C4orf36: variants seen among roughly 807,000 people sequenced by gnomAD.
The protein encoded by C4orf36 is chromosome 4 open reading frame 36.
C4orf36 carries 11 observed loss-of-function variants against 12.2 expected under a neutral mutation model. The observed-to-expected ratio is 0.90, with a 90% CI of 0.57 to 1.49. The LOEUF (loss-of-function observed/expected upper bound fraction) is 1.49, where lower values mean the gene tolerates loss of function less well. C4orf36 is among the 40% of genes most tolerant of loss of function. The pLI, the probability that C4orf36 is intolerant of heterozygous loss-of-function variation, is 0.00. For missense variants in C4orf36, 137 were observed against 133.9 expected, an observed-to-expected ratio of 1.02 and a Z score of -0.11; for synonymous variants, 54 against 51.3, an observed-to-expected ratio of 1.05 and a Z score of -0.22.
the C4orf36 span, among the ~76,000 whole-genome samples, chr4:86,928,296 CT>C: frequency 1.3e-5 from 2 of 152,316 alleles, no homozygotes; most frequent in East Asian, 3.9e-4. Flanking sequence ...GGAGGCAGGG[CT>C]GTTCATTGGG....
intron 3 of C4orf36, 51 bp downstream of exon 3, chr4:86,888,070 A>C (rs769937476): frequency 1.3e-6 from 2 of 1,590,600 alleles, no homozygotes; most frequent in South Asian, 1.1e-5. Flanking sequence ...TCTGATAAGC[A>C]AATGGCACAC....
At chr4:86,913,490 C>G in the C4orf36 span, 75 of 792,544 alleles carry the variant, frequency 9.5e-5, 1 homozygote, top group South Asian at 1.0e-3. Context: ...GTTGGATGCT[C>G]TGTTTTGGAA....
chr4:86,907,891 C>T, the C4orf36 span, among the ~76,000 whole-genome samples: 3 of 151,566 alleles, frequency 2.0e-5, no homozygotes, highest in African/African-American at 7.3e-5. Flanking sequence ...ATTGCTTGAC[C>T]CGAGGAGCAG....
chr4:86,900,038 CTT>C, the C4orf36 span, among the ~76,000 whole-genome samples: 2 of 144,726 alleles, frequency 1.4e-5, no homozygotes, highest in African/African-American at 2.5e-5. Flanking sequence ...TGATAGGCAG[CTT>C]TTTTTTTTTT....
chr4:86,925,121 C>T, the C4orf36 span: 5 of 152,230 alleles, frequency 3.3e-5, no homozygotes, highest in East Asian at 9.6e-4. Context: ...AATCTGCCCC[C>T]ATGATCCAAC....
intron 4 of C4orf36, among the ~76,000 whole-genome samples, chr4:86,882,209 AG>A (rs1360615922): frequency 6.6e-6 from 1 of 152,252 alleles, no homozygotes; most frequent in Non-Finnish European, 1.5e-5. Flanking sequence ...AGCTGGAAGC[AG>A]GACTCTTCTC....
rs986617807 is a variant in C4orf36 at position 86,887,943 on chromosome 4, A to G, written c.221-50T>C. 7 of 1,608,074 alleles carry G rather than the reference A, an allele frequency of 4.4e-6. No individual in the cohort carries two copies. In the South Asian group the frequency reaches 7.8e-5, roughly 18 times the overall value. ...ATCTGACATACATTTTTCATCAGGC[A>G]TAACTAAGTCAAAACTGAATATCAT... On this transcript the variant is annotated intron_variant, in intron 3 of 4. Coordinates refer to ENST00000295898, the MANE Select transcript of C4orf36 (RefSeq NM_144645.4).
At chr4:86,897,366 A>C (rs1247492421), upstream of C4orf36, among the ~76,000 whole-genome samples, 2 of 152,176 alleles carry the variant, frequency 1.3e-5, no homozygotes, top group Non-Finnish European at 2.9e-5. Context: ...GTCTCAAAAA[A>C]GAAAAAAAAC....
At chr4:86,934,988 G>T in the C4orf36 span, 1 of 152,006 alleles carries the variant, frequency 6.6e-6, no homozygotes, top group South Asian at 2.1e-4. Context: ...GGCGTCCCGG[G>T]CAGCCGGCGT....
At chr4:86,900,353 G>T in the C4orf36 span, among the ~76,000 whole-genome samples, 593 of 152,156 alleles carry the variant, frequency 3.9e-3, 3 homozygotes, top group African/African-American at 0.014. Flanking sequence ...TTCTAAGATG[G>T]TTCCTGTTAC....
At chr4:86,899,260 G>A in the C4orf36 span, among the ~76,000 whole-genome samples, 6 of 152,030 alleles carry the variant, frequency 3.9e-5, no homozygotes, top group African/African-American at 1.4e-4. Flanking sequence ...GGACACCCCT[G>A]CAGTTCATTA....
At chr4:86,888,995 T>C (rs1004119456) in intron 2 of C4orf36, among the ~76,000 whole-genome samples, 8 of 152,162 alleles carry the variant, frequency 5.3e-5, no homozygotes, top group African/African-American at 1.9e-4. Context: ...GAACAAGTCA[T>C]AAAAATGTAT....
chr4:86,891,955 C>G (rs370787674), intron 1 of C4orf36: 1 of 988,614 alleles, frequency 1.0e-6, no homozygotes, highest in Non-Finnish European at 1.2e-6. Context: ...CGCCCCGGCC[C>G]GGGCACTTTG....
chr4:86,924,822 A>G, the C4orf36 span: 1 of 152,216 alleles, frequency 6.6e-6, no homozygotes, highest in Non-Finnish European at 1.5e-5. Context: ...ACATTGCTAT[A>G]AAAAATACCT....
chr4:86,899,646 C>A, the C4orf36 span, among the ~76,000 whole-genome samples: 20 of 152,250 alleles, frequency 1.3e-4, no homozygotes, highest in East Asian at 3.7e-3. Context: ...AAATATGAGA[C>A]CTTGTCTCTA....
intron 4 of C4orf36, among the ~76,000 whole-genome samples, chr4:86,877,984 A>G (rs113782908): frequency 1.0e-3 from 155 of 152,334 alleles, no homozygotes; most frequent in African/African-American, 3.5e-3. Context: ...CCGTGAGTTG[A>G]TAAGTGCTGG....
intron 4 of C4orf36, among the ~76,000 whole-genome samples, chr4:86,884,437 TGGGACTACA>T (rs1291529725): frequency 6.6e-6 from 1 of 151,788 alleles, no homozygotes; most frequent in Non-Finnish European, 1.5e-5. Flanking sequence ...CCTGAGTAGC[TGGGACTACA>T]GGCACACAGC....
At chr4:86,877,942 A>C (rs187346755) in intron 4 of C4orf36, among the ~76,000 whole-genome samples, 170 of 152,348 alleles carry the variant, frequency 1.1e-3, no homozygotes, top group Admixed American at 2.2e-3. Flanking sequence ...TGGGGTGTGG[A>C]AAGTGAGTGA....
chr4:86,912,098 C>T, the C4orf36 span, among the ~76,000 whole-genome samples: 3 of 152,170 alleles, frequency 2.0e-5, no homozygotes, highest in Non-Finnish European at 4.4e-5. Context: ...TGGCCTCGAA[C>T]TCCTGACCGC....
Sources: allele counts gnomAD v4.1 joint callset (sites outside exome capture counted in the v4.1 genomes callset), GRCh38; gene constraint gnomAD v4.1.1; transcripts MANE v1.5; gene names NCBI Gene and HGNC (gene_info 2026-07-23, HGNC 2026-07-21).